The following TRUB1 variants were observed in gnomAD, a reference collection of about 807,000 sequenced individuals.
TRUB1 encodes TruB pseudouridine synthase family member 1.
A neutral mutation model predicts 33.9 loss-of-function variants in TRUB1; 23 were observed. The ratio of observed to expected loss-of-function variants is 0.68; its 90% CI spans 0.49 to 0.96. TRUB1 has a LOEUF of 0.96. Among genes scored for constraint, TRUB1 ranks in the 40% least tolerant of loss-of-function variants. The pLI is 0.00. For missense variants in TRUB1, 378 were observed against 422.2 expected (o/e 0.90, Z 0.92); for synonymous variants, 163 against 165.4 (o/e 0.99, Z 0.11).
intron 6 of TRUB1, 105 bp downstream of exon 6, chr10:114,972,379 T>C: frequency 7.6e-7 from 1 of 1,318,674 alleles, no homozygotes; most frequent in Non-Finnish European, 1.0e-6. Flanking sequence ...TGGAGATTTT[T>C]TAAAATTTGA....
chr10:114,970,340 T>C (rs754786932), intron 4 of TRUB1, 28 bp from the exon 5 acceptor site: 7 of 1,504,540 alleles, frequency 4.7e-6, no homozygotes, highest in South Asian at 4.6e-5. Flanking sequence ...GTGGTTGTTT[T>C]AGTGTCTTTT....
rs529528529 is a variant in TRUB1 at position 114,964,447 on chromosome 10, T to C, written c.523+4640T>C. On this transcript the variant is annotated intron_variant, in intron 4 of 7. Coordinates refer to ENST00000298746, the MANE Select transcript of TRUB1 (RefSeq NM_139169.5). ...TCTGGATATGTTCTCTTCTTTTGCC[T>C]ATGTGTGTTGCAGATATTTTCTCTT... 1.2e-4 allele frequency among the ~76,000 whole-genome samples: 18 copies of C among 152,328 alleles called. No individual in the cohort carries two copies. The South Asian group carries it at 3.7e-3, about 32-fold the overall frequency.
rs754392702 is a variant in TRUB1 at position 114,959,709 on chromosome 10, T to C, written c.442-17T>C. 23 of 1,573,760 alleles carry C rather than the reference T, an allele frequency of 1.5e-5. No individual in the cohort carries two copies. In the South Asian group the frequency reaches 2.4e-4, roughly 17 times the overall value. On this transcript the variant is annotated splice_polypyrimidine_tract_variant and intron_variant, in intron 3 of 7. Transcript: ENST00000298746. The stretch of plus-strand genomic sequence containing the variant: ...TTGCCTCACGGCCCATTTTCTCTCT[T>C]GTTTCCCTTCCTCTAGAGATATACT...
chr10:114,967,155 A>C (rs2084312137), intron 4 of TRUB1, among the ~76,000 whole-genome samples: 1 of 152,134 alleles, frequency 6.6e-6, no homozygotes. Context: ...AGCTGCCACT[A>C]CTTCCTCAGA....
chr10:114,976,024 A>G lies in TRUB1; in HGVS notation c.*645A>G, dbSNP rs2084358700. 2 of 152,704 alleles carry G rather than the reference A, an allele frequency of 1.3e-5. No individual in the cohort carries two copies. Among genetic ancestry groups the G allele is most frequent in the African/African-American group, 4.8e-5 (2 of 41,586 alleles). 9.5% of individuals were successfully genotyped at this position (152,704 alleles called of 1,614,324 possible). A position where few individuals can be genotyped will look rare whatever the true frequency, so the allele number is the denominator to read the frequency against. On this transcript the variant is annotated 3_prime_UTR_variant, in exon 8 of 8. Transcript: ENST00000298746. ...AACAGGTTGTAAATAGAAGACTAAT[A>G]CTTAATTAAAGTCACCTTCCTACCA...
At chr10:114,958,192 C>G (rs970669499) in intron 3 of TRUB1, among the ~76,000 whole-genome samples, 4 of 152,198 alleles carry the variant, frequency 2.6e-5, no homozygotes, top group African/African-American at 9.6e-5. Context: ...CATTGTTGTA[C>G]TTCTCTCATA....
At chr10:114,948,505 A>T (rs1288008182) in intron 2 of TRUB1, among the ~76,000 whole-genome samples, 1 of 152,216 alleles carries the variant, frequency 6.6e-6, no homozygotes, top group East Asian at 1.9e-4. Flanking sequence ...ATTTTGAATG[A>T]TTGAAGGGAA....
chr10:114,957,964 T>C (rs1179437755), intron 3 of TRUB1, among the ~76,000 whole-genome samples: 1 of 152,232 alleles, frequency 6.6e-6, no homozygotes, highest in African/African-American at 2.4e-5. Flanking sequence ...GTATTTTCTT[T>C]CTTAGAAAAT....
rs1446540541 is a variant in TRUB1 at position 114,939,732 on chromosome 10, A to G, written c.286+1193A>G. ...GGACGTCAAAGTGAGGAATTGCATC[A>G]AGGATATGTATTGTGGTATCATCAT... On this transcript the variant is annotated intron_variant, in intron 1 of 7. Transcript: ENST00000298746. 3.3e-5 allele frequency among the ~76,000 whole-genome samples: 5 copies of G among 152,170 alleles called. No individual in the cohort carries two copies. In the East Asian group the frequency reaches 9.6e-4, roughly 29 times the overall value.
intron 5 of TRUB1, 120 bp downstream of exon 5, chr10:114,970,560 T>C (rs2084331392): frequency 1.3e-6 from 1 of 745,704 alleles, no homozygotes; most frequent in South Asian, 1.7e-5. Context: ...TTAAATCTGA[T>C]GTGCCAAATG....
At chr10:114,973,327 C>T (rs1342382773) in intron 6 of TRUB1, among the ~76,000 whole-genome samples, 1 of 152,072 alleles carries the variant, frequency 6.6e-6, no homozygotes, top group African/African-American at 2.4e-5. Flanking sequence ...GCATTTAAGT[C>T]AGAAATATTT....
chr10:114,938,660 G>C lies in TRUB1; in HGVS notation c.286+121G>C, dbSNP rs780398332. ...GGAGGGGAAAGGGAGACTGACCATT[G>C]AATTAGCTCTGGACAGGAATCTCGG... On this transcript the variant is annotated intron_variant, in intron 1 of 7. Coordinates refer to ENST00000298746, the MANE Select transcript of TRUB1 (RefSeq NM_139169.5). 1.1e-5 allele frequency: 12 copies of C among 1,141,530 alleles called. No homozygotes were observed. The African/African-American group carries it at 1.9e-4, about 18-fold the overall frequency. The allele number at this position is 1,141,530 out of a possible 1,614,324, so 70.7% of individuals were successfully genotyped here. A position where few individuals can be genotyped will look rare whatever the true frequency, so the allele number is the denominator to read the frequency against.
chr10:114,956,440 C>T (rs746043865), intron 3 of TRUB1, among the ~76,000 whole-genome samples: 1 of 152,024 alleles, frequency 6.6e-6, no homozygotes, highest in African/African-American at 2.4e-5. Flanking sequence ...TCTTCTATCC[C>T]AATATCTTTT....
intron 5 of TRUB1, among the ~76,000 whole-genome samples, chr10:114,971,824 G>A (rs1408354471): frequency 6.6e-6 from 1 of 152,160 alleles, no homozygotes; most frequent in Non-Finnish European, 1.5e-5. Context: ...ATGAGGACTA[G>A]TAAGGACAAG....
At chr10:114,950,677 C>T (rs766247553) in intron 2 of TRUB1, among the ~76,000 whole-genome samples, 2 of 152,162 alleles carry the variant, frequency 1.3e-5, no homozygotes, top group Non-Finnish European at 1.5e-5. Context: ...GGTTCATTAG[C>T]TGTGATAATG....
Position 114,976,854 on chromosome 10 carries a change from A to G in TRUB1, c.*1475A>G, listed in dbSNP as rs1376247270. 1 of 152,186 alleles carries G rather than the reference A, an allele frequency of 6.6e-6. No homozygotes were observed. Among genetic ancestry groups the G allele is most frequent in the African/African-American group, 2.4e-5 (1 of 41,446 alleles). 9.4% of individuals were successfully genotyped at this position (152,186 alleles called of 1,614,324 possible). A position where few individuals can be genotyped will look rare whatever the true frequency, so the allele number is the denominator to read the frequency against. ...ATACCATGATGCATTAACATAAAAT[A>G]TCAAACACACAAAGTCATAAAATGA... On this transcript the variant is annotated 3_prime_UTR_variant, in exon 8 of 8. Transcript: ENST00000298746.
chr10:114,970,780 G>C (rs772440955), intron 5 of TRUB1, among the ~76,000 whole-genome samples: 3 of 152,204 alleles, frequency 2.0e-5, no homozygotes, highest in African/African-American at 7.2e-5. Context: ...GACCAGTCCC[G>C]TCTGGGAGGG....
chr10:114,953,956 A>T (rs2084248928), intron 3 of TRUB1, among the ~76,000 whole-genome samples: 1 of 151,988 alleles, frequency 6.6e-6, no homozygotes, highest in Non-Finnish European at 1.5e-5. Flanking sequence ...CACCTCCAAC[A>T]CTGGGGATTA....
intron 3 of TRUB1, among the ~76,000 whole-genome samples, chr10:114,957,067 T>G (rs915353108): frequency 6.6e-6 from 1 of 152,190 alleles, no homozygotes; most frequent in African/African-American, 2.4e-5. Flanking sequence ...TGTGAAGAAT[T>G]GCACACATAG....
Sources: allele counts gnomAD v4.1 joint callset (sites outside exome capture counted in the v4.1 genomes callset), GRCh38; gene constraint gnomAD v4.1.1; transcripts MANE v1.5; gene names NCBI Gene and HGNC (gene_info 2026-07-23, HGNC 2026-07-21).